The following DHRS13 variants were observed in gnomAD, a reference collection of about 807,000 sequenced individuals.
DHRS13 encodes dehydrogenase/reductase SDR family member 13.
A neutral mutation model predicts 17.9 loss-of-function variants in DHRS13; 22 were observed. The ratio of observed to expected loss-of-function variants is 1.23; its 90% confidence interval spans 0.88 to 1.75. DHRS13 has a LOEUF of 1.75. Among genes scored for constraint, DHRS13 ranks in the 40% most tolerant of loss-of-function variants. The probability of loss-of-function intolerance (pLI) is 0.00; values close to 1 mark genes in which losing one functional copy is unlikely to be tolerated. For missense variants in DHRS13, 483 were observed against 519.9 expected (o/e 0.93, Z 0.69); for synonymous variants, 206 against 220.4 (o/e 0.93, Z 0.58).
chr17:28,901,420 G>A lies in DHRS13; in HGVS notation c.370+73C>T. ...CCATGTGTCCACTGGCCCCAGCAGG[G>A]CCCCCGCTGGAGGGGGCAGTTGCCC... is the stretch of plus-strand genomic sequence containing the variant. On this transcript the variant is annotated intron_variant, in intron 3 of 4. Transcript: ENST00000378895. The surrounding 1 kb of genome is among the most constrained non-coding windows in gnomAD (Gnocchi z 4.3). The A allele has an allele frequency of 6.2e-7, 1 of 1,605,698 alleles. No homozygotes were observed. The highest frequency in any genetic ancestry group is 8.5e-7 in the Non-Finnish European group (1 of 1,176,192).
Position 28,902,615 on chromosome 17 carries a change from G to A in DHRS13, c.214C>T (p.Arg72Cys), listed in dbSNP as rs919039196. 3.4e-6 allele frequency: 5 copies of A among 1,475,230 alleles called. No homozygotes were observed. Among genetic ancestry groups the A allele is most frequent in the Non-Finnish European group, 2.7e-6 (3 of 1,121,558 alleles). 91.4% of individuals were successfully genotyped at this position (1,475,230 alleles called of 1,614,324 possible). The change falls in exon 2 of 5, where the codon CGC (arginine) becomes TGC (cysteine). Residue 72 changes from arginine to cysteine, a missense_variant. Physicochemically the swap from Arg to Cys is radical, Grantham distance 180 (BLOSUM62 -3). Transcript: ENST00000378895. The surrounding 1 kb of genome is among the most constrained non-coding windows in gnomAD (Gnocchi z 4.0). ...AGGTCGAAGGCAGCCGCCTCCCCGC[G>A]CTCCTGGCTGCGGCAGGCCAGCACC... The part of the protein sequence containing the change: ...RVVLACRSQE[R>C]GEAAAFDLRQ...
rs1158111691 is a variant in DHRS13 at position 28,901,116 on chromosome 17, G to A, written c.556C>T (p.Pro186Ser). 1.2e-6 allele frequency: 2 copies of A among 1,614,054 alleles called. No individual in the cohort carries two copies. The highest frequency in any genetic ancestry group is 2.7e-5 in the African/African-American group (2 of 74,928). The change falls in exon 4 of 5, where the codon CCA becomes TCA. Residue 186 changes from proline (P) to serine (S), a missense_variant. By Grantham distance (74) the Pro-to-Ser change is moderately conservative (BLOSUM62 -1). Transcript: ENST00000378895. The surrounding 1 kb of genome is among the most constrained non-coding windows in gnomAD (Gnocchi z 4.3). ...GRLDFKRLDR[P>S]VVGWRQELRA... ...AGCTCCTGCCGCCAGCCCACCACTG[G>A]GCGGTCCAGGCGTTTGAAGTCAAGA...
At position 28,901,554 on chromosome 17, in the gene DHRS13, C is replaced by G; in HGVS notation, c.309G>C (p.Arg103=). The change falls in exon 3 of 5, where the codon CGG becomes CGC. Residue 103 remains arginine, a synonymous_variant. Coordinates refer to ENST00000378895, the MANE Select transcript of DHRS13 (RefSeq NM_144683.4). This position sits in a 1 kb window ranked among gnomAD's most constrained non-coding sequence, Gnocchi z 4.3. ...ALDLASLASV[R]AFATAFLSSE... is the part of the protein sequence containing the mutation. ...AGCTCAGAAAGGCAGTGGCAAAGGC[C>G]CGCACCGAGGCCAGACTGGCCAAGT... 1.9e-6 allele frequency: 3 copies of G among 1,614,224 alleles called. No individual in the cohort carries two copies. Among genetic ancestry groups the G allele is most frequent in the East Asian group, 2.2e-5 (1 of 44,888 alleles).
At position 28,902,962 on chromosome 17, in the gene DHRS13, G is replaced by C. The variant is rs1420621925; in HGVS notation, c.-18C>G. ...GCCTCCATGCCGGCCGCGCCTCCCG[G>C]CTCCCGCCCAGGCCCCGCACCGCCC... On this transcript the variant is annotated 5_prime_UTR_variant, in exon 1 of 5. Coordinates refer to ENST00000378895, the MANE Select transcript of DHRS13 (RefSeq NM_144683.4). This position sits in a 1 kb window ranked among gnomAD's most constrained non-coding sequence, Gnocchi z 4.0. 3 of 1,493,580 alleles carry C rather than the reference G, an allele frequency of 2.0e-6. No individual in the cohort carries two copies. Among genetic ancestry groups the C allele is most frequent in the African/African-American group, 1.4e-5 (1 of 69,086 alleles). The allele number at this position is 1,493,580 out of a possible 1,614,324, so 92.5% of individuals were successfully genotyped here.
At position 28,901,366 on chromosome 17, in the gene DHRS13, CTA is replaced by C; in HGVS notation, c.371-67_371-66del. The C allele has an allele frequency of 1.3e-5, 20 of 1,583,012 alleles. No homozygotes were observed. The highest frequency in any genetic ancestry group is 1.7e-5 in the Non-Finnish European group (20 of 1,163,156). ...AGCTCTGCAGCCTTGGCATCCCTAT[CTA>C]TGAGATGGGAGAAGGGGGCATCCTT... On this transcript the variant is annotated intron_variant, in intron 3 of 4. Transcript: ENST00000378895. The surrounding 1 kb of genome is among the most constrained non-coding windows in gnomAD (Gnocchi z 4.3).
At position 28,897,783 on chromosome 17, in the gene DHRS13, C is replaced by G. The variant is rs1483837164; in HGVS notation, c.*658G>C. 4 of 330,392 alleles carry G rather than the reference C, an allele frequency of 1.2e-5. No individual in the cohort carries two copies. Among genetic ancestry groups the G allele is most frequent in the East Asian group, 5.0e-5 (1 of 20,136 alleles). The allele number at this position is 330,392 out of a possible 1,614,324, so 20.5% of individuals were successfully genotyped here. Reference sequence around the variant, plus strand: ...GTTGAGGCAGGAGTGAGCGCAGCTTCGGCGGTCAACGCGCTTTATTCCGAG... The same window carrying G: ...GTTGAGGCAGGAGTGAGCGCAGCTTGGGCGGTCAACGCGCTTTATTCCGAG... On this transcript the variant is annotated 3_prime_UTR_variant, in exon 5 of 5. Transcript: ENST00000378895. This position sits in a 1 kb window ranked among gnomAD's most constrained non-coding sequence, Gnocchi z 4.4.
At position 28,901,179 on chromosome 17, in the gene DHRS13, C is replaced by A; in HGVS notation, c.493G>T (p.Val165Leu). 6.2e-7 allele frequency: 1 copy of A among 1,613,912 alleles called. No homozygotes were observed. The stretch of plus-strand genomic sequence containing the variant: ...TGGGCAGCTGAGGCTACCACCACCA[C>A]GCGGCTAGGGGCACATGCCTTCAGG... ...PCLKACAPSR[V>L]VVVASAAHCR... Residue 165 changes from valine to leucine, a missense_variant, in exon 4 of 5, where the codon GTG (valine) becomes TTG (leucine). Val to Leu is a conservative substitution (Grantham distance 32). Coordinates refer to ENST00000378895, the MANE Select transcript of DHRS13 (RefSeq NM_144683.4). This position sits in a 1 kb window ranked among gnomAD's most constrained non-coding sequence, Gnocchi z 4.3.
chr17:28,900,967 G>T, intron 4 of DHRS13, 23 bp downstream of exon 4: 1 of 1,558,328 alleles, frequency 6.4e-7, no homozygotes, highest in Non-Finnish European at 8.7e-7. Context: ...AGGGGAATCG[G>T]AAGCCAAAGA....
chr17:28,899,716 TTC>T lies in DHRS13; in HGVS notation c.683-826_683-825del, dbSNP rs2152652360. On this transcript the variant is annotated intron_variant, in intron 4 of 4. Coordinates refer to ENST00000378895, the MANE Select transcript of DHRS13 (RefSeq NM_144683.4). The surrounding 1 kb of genome is among the most constrained non-coding windows in gnomAD (Gnocchi z 4.7). ...CCTTAGGGCCTCTGCACTTACTTTTTTCTGTTTTGGAGACAGAGTCTCGCTCT... is the reference window on the plus strand; with the variant it reads ...CCTTAGGGCCTCTGCACTTACTTTTTTGTTTTGGAGACAGAGTCTCGCTCT... Among the ~76,000 whole-genome samples, 1 of 152,234 alleles carries T rather than the reference TTC, an allele frequency of 6.6e-6. No homozygotes were observed. Among genetic ancestry groups the T allele is most frequent in the Admixed American group, 6.5e-5 (1 of 15,292 alleles).
At position 28,901,605 on chromosome 17, in the gene DHRS13, G is replaced by GT; in HGVS notation, c.257dup (p.Asn86LysfsTer3). On this transcript the variant is annotated frameshift_variant, in exon 3 of 5. Coordinates refer to ENST00000378895, the MANE Select transcript of DHRS13 (RefSeq NM_144683.4). LOFTEE classifies it high-confidence loss of function. The surrounding 1 kb of genome is among the most constrained non-coding windows in gnomAD (Gnocchi z 4.3). ...CCAAGGCCATGAAGATGACCTCATT[G>GT]TTCCCACTCTCCTGTGGAGAGGCAA... 1 of 1,614,240 alleles carries GT rather than the reference G, an allele frequency of 6.2e-7. No individual in the cohort carries two copies.
rs145991183 is a variant in DHRS13 at position 28,901,284 on chromosome 17, G to C, written c.388C>G (p.Arg130Gly). ...IHNAGISSCG[R>G]TREAFNLLLR... is the part of the protein sequence containing the mutation. ...AGCAGGTTAAACGCCTCACGGGTCC[G>C]GCCACAGGAACTGATACCTGGGGCA... Residue 130 changes from arginine (R) to glycine (G), a missense_variant, in exon 4 of 5, where the codon CGG becomes GGG. By Grantham distance (125) the Arg-to-Gly change is moderately radical. Transcript: ENST00000378895. The surrounding 1 kb of genome is among the most constrained non-coding windows in gnomAD (Gnocchi z 4.3). 2.2e-5 allele frequency: 36 copies of C among 1,608,826 alleles called. No homozygotes were observed. Among genetic ancestry groups the C allele is most frequent in the Non-Finnish European group, 2.9e-5 (34 of 1,176,610 alleles).
At position 28,902,849 on chromosome 17, in the gene DHRS13, GC is replaced by G; in HGVS notation, c.95del (p.Gly32AlafsTer20). 6 of 1,550,114 alleles carry G rather than the reference GC, an allele frequency of 3.9e-6. No individual in the cohort carries two copies. Among genetic ancestry groups the G allele is most frequent in the Non-Finnish European group, 5.2e-6 (6 of 1,156,578 alleles). ...CCACGGCCGTGCGGCCCCGCAGGTT[GC>G]CCATGCCGCCGCACGGCGGGGCCTT... Reference protein sequence around the residue: ...LVKAPPCGGMGNLRGRTAVVT... With the variant: ...LVKAPPCGGMXNLRGRTAVVT... On this transcript the variant is annotated frameshift_variant, in exon 1 of 5. Coordinates refer to ENST00000378895, the MANE Select transcript of DHRS13 (RefSeq NM_144683.4). LOFTEE classifies it high-confidence loss of function. The surrounding 1 kb of genome is among the most constrained non-coding windows in gnomAD (Gnocchi z 4.0).
rs1035741050 is a variant in DHRS13, at chr17:28,902,485, C to T, written c.246+98G>A. Reference sequence around the variant, plus strand: ...CGCTCAGCCGCCCGCGCCGCGCTCTCCTCCCTGGACCCGGATCCTCCGCAG... The same window carrying T: ...CGCTCAGCCGCCCGCGCCGCGCTCTTCTCCCTGGACCCGGATCCTCCGCAG... On this transcript the variant is annotated intron_variant, in intron 2 of 4. Transcript: ENST00000378895. The surrounding 1 kb of genome is among the most constrained non-coding windows in gnomAD (Gnocchi z 4.0). 2 of 1,226,950 alleles carry T rather than the reference C, an allele frequency of 1.6e-6. No individual in the cohort carries two copies. The highest frequency in any genetic ancestry group is 1.6e-5 in the African/African-American group (1 of 62,778). 76.0% of individuals were successfully genotyped at this position (1,226,950 alleles called of 1,614,324 possible).
chr17:28,900,059 G>A (rs1396078797), intron 4 of DHRS13, among the ~76,000 whole-genome samples: 5 of 152,094 alleles, frequency 3.3e-5, no homozygotes, highest in East Asian at 1.9e-4. Flanking sequence ...GATTACAGGC[G>A]CGCGCCACCA....
rs1430484913 is a variant in DHRS13 at position 28,898,781 on chromosome 17, G to T, written c.794C>A (p.Pro265His). 1 of 1,612,812 alleles carries T rather than the reference G, an allele frequency of 6.2e-7. No homozygotes were observed. The change falls in exon 5 of 5, where the codon CCC (proline) becomes CAC (histidine). Residue 265 changes from proline to histidine, a missense_variant. Pro to His is a moderately conservative substitution (Grantham distance 77, BLOSUM62 -2). Transcript: ENST00000378895. The stretch of plus-strand genomic sequence containing the variant: ...GCCCTCTTGTAGAGCACAATACAGG[G>T]GTGTCTGGGCACCCCCTCTTGGTGC... ...LRAPRGGAQT[P>H]LYCALQEGIE... is the part of the protein sequence containing the mutation.
In DHRS13 at chr17:28,897,856, T is replaced by C; in HGVS notation, c.*585A>G. ...CAGCCCTGCATCCGCCCGGAAGGCG[T>C]CCCCTTACTCCCATGGGGCACCTCG... is the stretch of plus-strand genomic sequence containing the variant. On this transcript the variant is annotated 3_prime_UTR_variant, in exon 5 of 5. Coordinates refer to ENST00000378895, the MANE Select transcript of DHRS13 (RefSeq NM_144683.4). This position sits in a 1 kb window ranked among gnomAD's most constrained non-coding sequence, Gnocchi z 4.4. The C allele has an allele frequency of 3.8e-6, 1 of 260,224 alleles. No homozygotes were observed. Among genetic ancestry groups the C allele is most frequent in the Non-Finnish European group, 7.2e-6 (1 of 139,352 alleles). The allele number at this position is 260,224 out of a possible 1,614,324, so 16.1% of individuals were successfully genotyped here. A position where few individuals can be genotyped will look rare whatever the true frequency, so the allele number is the denominator to read the frequency against.
rs1206610761 is a variant in DHRS13 at position 28,898,100 on chromosome 17, A to G, written c.*341T>C. The G allele has an allele frequency of 9.5e-6, 3 of 314,574 alleles. No individual in the cohort carries two copies. The highest frequency in any genetic ancestry group is 1.8e-5 in the Non-Finnish European group (3 of 169,906). The allele number at this position is 314,574 out of a possible 1,614,324, so 19.5% of individuals were successfully genotyped here. On this transcript the variant is annotated 3_prime_UTR_variant, in exon 5 of 5. Transcript: ENST00000378895. ...AAAGGGATCAGTTCACTAATTCTCA[A>G]TGTTGGCAGTGCATCACATTGCAAA... is the stretch of plus-strand genomic sequence containing the variant.
Position 28,901,368 on chromosome 17 carries a change from A to G in DHRS13, c.371-67T>C. The stretch of plus-strand genomic sequence containing the variant: ...CTCTGCAGCCTTGGCATCCCTATCT[A>G]TGAGATGGGAGAAGGGGGCATCCTT... On this transcript the variant is annotated intron_variant, in intron 3 of 4. Coordinates refer to ENST00000378895, the MANE Select transcript of DHRS13 (RefSeq NM_144683.4). The surrounding 1 kb of genome is among the most constrained non-coding windows in gnomAD (Gnocchi z 4.3). 1 of 1,583,556 alleles carries G rather than the reference A, an allele frequency of 6.3e-7. No individual in the cohort carries two copies. The highest frequency in any genetic ancestry group is 8.6e-7 in the Non-Finnish European group (1 of 1,163,646).
Position 28,898,612 on chromosome 17 carries a change from G to T in DHRS13, c.963C>A (p.Pro321=), listed in dbSNP as rs373955077. 229 of 1,613,364 alleles carry T rather than the reference G, an allele frequency of 1.4e-4. No individual in the cohort carries two copies. The highest frequency in any genetic ancestry group is 1.8e-4 in the Non-Finnish European group (215 of 1,179,798). The change falls in exon 5 of 5, where the codon CCC becomes CCA. Residue 321 remains proline (P), a synonymous_variant. Transcript: ENST00000378895. ...AGLGPGEDAE[P]DEDPQSEDSE... ...AGTCCTCAGACTGGGGGTCTTCATC[G>T]GGTTCAGCATCCTCCCCAGGCCCAA...
Sources: gnomAD v4.1 joint callset for allele counts (sites outside exome capture counted in the v4.1 genomes callset) on GRCh38, gnomAD v4.1.1 for gene constraint, Gnocchi (gnomAD v3.1) non-coding constraint, MANE v1.5 for transcripts, NCBI Gene and HGNC (gene_info 2026-07-23, HGNC 2026-07-21) for gene names.